PLCB1: variants seen among roughly 807,000 people sequenced by gnomAD.
The protein encoded by PLCB1 is phospholipase C beta 1.
PLCB1 carries 46 observed loss-of-function variants against 161.8 expected under a neutral mutation model. The ratio of observed to expected loss-of-function variants is 0.28; its 90% CI spans 0.22 to 0.36. The LOEUF (loss-of-function observed/expected upper bound fraction) is 0.36, where lower values mean the gene tolerates loss of function less well. Ranked by LOEUF, PLCB1 falls within the 10% of genes least tolerant of loss-of-function variation. PLCB1 has a pLI of 1.00. For missense variants in PLCB1, 1,016 were observed against 1,472.5 expected (o/e 0.69, Z 5.07); for synonymous variants, 517 against 503.7 (o/e 1.03, Z -0.35).
intron 3 of PLCB1, among the ~76,000 whole-genome samples, chr20:8,414,973 G>T (rs1979207290): frequency 6.6e-6 from 1 of 151,834 alleles, no homozygotes; most frequent in Admixed American, 6.6e-5. Context: ...GCTCCTGAAA[G>T]TTCCAGAGGC....
intron 31 of PLCB1, among the ~76,000 whole-genome samples, chr20:8,795,022 AT>A (rs1651983698): frequency 6.6e-6 from 1 of 152,192 alleles, no homozygotes; most frequent in Non-Finnish European, 1.5e-5. Context: ...CCATCCTGCA[AT>A]AGCAGTCATA....
At chr20:8,172,222 T>C (rs117734470) in intron 2 of PLCB1, among the ~76,000 whole-genome samples, 6,745 of 152,198 alleles carry the variant, frequency 0.044, 196 homozygotes, top group Middle Eastern at 0.13. Context: ...TATTGTACCA[T>C]TGAGAGTAGT....
intron 31 of PLCB1, among the ~76,000 whole-genome samples, chr20:8,800,182 G>T (rs2146237545): frequency 6.6e-6 from 1 of 152,324 alleles, no homozygotes; most frequent in Non-Finnish European, 1.5e-5. Flanking sequence ...AAACACTGAA[G>T]AAATTTTTCC....
intron 2 of PLCB1, among the ~76,000 whole-genome samples, chr20:8,330,492 G>C (rs984284): frequency 4.1e-4 from 63 of 152,342 alleles, no homozygotes; most frequent in African/African-American, 1.1e-3. Context: ...ACTGGCTTGA[G>C]TAATCAGTCC....
intron 3 of PLCB1, among the ~76,000 whole-genome samples, chr20:8,406,370 TG>T (rs1347626708): frequency 6.6e-6 from 1 of 152,220 alleles, no homozygotes. Flanking sequence ...TGGAAGAACA[TG>T]CAGGTAATGT....
chr20:8,654,974 C>T (rs1041348588), intron 7 of PLCB1, among the ~76,000 whole-genome samples: 10 of 151,960 alleles, frequency 6.6e-5, no homozygotes, highest in African/African-American at 2.4e-4. Flanking sequence ...CCTACTAACC[C>T]CAAAGACTTT....
At chr20:8,504,711 AAAC>A (rs532847594) in intron 3 of PLCB1, among the ~76,000 whole-genome samples, 6 of 152,036 alleles carry the variant, frequency 3.9e-5, no homozygotes, top group Non-Finnish European at 7.4e-5. Context: ...AACCAAACAA[AAAC>A]AACAACAAAA....
At chr20:8,539,644 C>CTTTCTTTCTTTCT (rs1568499458) in intron 3 of PLCB1, among the ~76,000 whole-genome samples, 1 of 96,142 alleles carries the variant, frequency 1.0e-5, no homozygotes, top group African/African-American at 4.4e-5. Context: ...TTCTTTCTTT[C>CTTTCTTTCTTTCT]TTTCTTTCTT....
At position 8,884,150 on chromosome 20, in the gene PLCB1, T is replaced by C. The variant is rs1988092842; in HGVS notation, c.*2301T>C. On this transcript the variant is annotated 3_prime_UTR_variant, in exon 32 of 32. Coordinates refer to ENST00000338037, the MANE Select transcript of PLCB1 (RefSeq NM_015192.4). ...ATTTGGCCATTTACTGTAATCACAT[T>C]TTTATATCTGTACAATGACACTTTT... The C allele has an allele frequency of 6.6e-6, 1 of 152,510 alleles. No homozygotes were observed. Among genetic ancestry groups the C allele is most frequent in the South Asian group, 2.1e-4 (1 of 4,832 alleles). 9.4% of individuals were successfully genotyped at this position (152,510 alleles called of 1,614,324 possible).
chr20:8,875,497 CAT>C (rs3035010), intron 31 of PLCB1, among the ~76,000 whole-genome samples: 48,489 of 146,292 alleles, frequency 0.33, 8,061 homozygotes, highest in South Asian at 0.51. Flanking sequence ...ATTTATATAA[CAT>C]ATAAAATATT....
chr20:8,649,974 A>G (rs150953054), intron 7 of PLCB1: 314 of 152,748 alleles, frequency 2.1e-3, no homozygotes, highest in Non-Finnish European at 3.7e-3. Flanking sequence ...AGCTAGCTAG[A>G]AACAGCCAAG....
chr20:8,230,056 CAAAAAAAAAAAAAAA>C (rs547874616), intron 2 of PLCB1, among the ~76,000 whole-genome samples: 1 of 58,870 alleles, frequency 1.7e-5, no homozygotes, highest in Admixed American at 3.0e-4. Flanking sequence ...GACTTGGCAG[CAAAAAAAAAAAAAAA>C]AAAAAAAAAA....
intron 3 of PLCB1, among the ~76,000 whole-genome samples, chr20:8,422,971 T>C (rs1979602562): frequency 1.3e-5 from 2 of 152,188 alleles, no homozygotes; most frequent in Non-Finnish European, 2.9e-5. Flanking sequence ...ACCAAATGAT[T>C]TAATATTTGT....
chr20:8,635,630 C>G (rs754162634), intron 4 of PLCB1, among the ~76,000 whole-genome samples: 1 of 152,284 alleles, frequency 6.6e-6, no homozygotes, highest in Middle Eastern at 3.4e-3. Context: ...AGTTACTCCA[C>G]GCTTTCTTAA....
At chr20:8,513,670 G>A (rs1289148537) in intron 3 of PLCB1, among the ~76,000 whole-genome samples, 1 of 152,068 alleles carries the variant, frequency 6.6e-6, no homozygotes, top group East Asian at 1.9e-4. Flanking sequence ...ATGAGGATAG[G>A]ACAAACATGC....
At chr20:8,814,768 A>G (rs556108672) in intron 31 of PLCB1, among the ~76,000 whole-genome samples, 5 of 152,286 alleles carry the variant, frequency 3.3e-5, no homozygotes, top group Non-Finnish European at 7.4e-5. Context: ...CTCTCTTTGC[A>G]TTTTGTATCA....
Position 8,401,236 on chromosome 20 carries a change from A to G in PLCB1, c.246+29786A>G, listed in dbSNP as rs1265751803. Among the ~76,000 whole-genome samples, 5 of 152,102 alleles carry G rather than the reference A, an allele frequency of 3.3e-5. No individual in the cohort carries two copies. In the East Asian group the frequency reaches 9.6e-4, roughly 29 times the overall value. ...ATAGTTCTTCTCACTGTTTCGTAAGATATTTTGATATATTAAGAGCTATCA... is the reference window on the plus strand; with the variant it reads ...ATAGTTCTTCTCACTGTTTCGTAAGGTATTTTGATATATTAAGAGCTATCA... On this transcript the variant is annotated intron_variant, in intron 3 of 31. Transcript: ENST00000338037.
At chr20:8,793,910 C>CG (rs968124148) in intron 31 of PLCB1, among the ~76,000 whole-genome samples, 2 of 152,088 alleles carry the variant, frequency 1.3e-5, no homozygotes, top group African/African-American at 4.8e-5. Flanking sequence ...CAGCTATGCC[C>CG]GGGGGGCCAG....
chr20:8,445,332 G>A (rs916132801), intron 3 of PLCB1, among the ~76,000 whole-genome samples: 7 of 152,076 alleles, frequency 4.6e-5, no homozygotes, highest in Non-Finnish European at 1.0e-4. Flanking sequence ...GTTTTTGTCA[G>A]GTTTGTCAAA....
Sources: gnomAD v4.1 joint callset for allele counts (sites outside exome capture counted in the v4.1 genomes callset) on GRCh38, gnomAD v4.1.1 for gene constraint, MANE v1.5 for transcripts, NCBI Gene and HGNC (gene_info 2026-07-23, HGNC 2026-07-21) for gene names.